The following UNC50 variants were observed in gnomAD, a reference collection of about 807,000 sequenced individuals.
The protein encoded by UNC50 is unc-50 inner nuclear membrane RNA binding protein.
A neutral mutation model predicts 31.5 loss-of-function variants in UNC50; 24 were observed. That is an observed-to-expected ratio of 0.76 (90% CI 0.55 to 1.07). The LOEUF (loss-of-function observed/expected upper bound fraction) is 1.07, where lower values mean the gene tolerates loss of function less well. UNC50 is among the 50% of genes least tolerant of loss of function. The probability of loss-of-function intolerance (pLI) is 0.00; values close to 1 mark genes in which losing one functional copy is unlikely to be tolerated. For synonymous variants in UNC50, 118 were observed against 114.7 expected (o/e 1.03, Z -0.18); for missense variants, 245 against 304.2 (o/e 0.81, Z 1.45).
chr2:98,616,655 C>T (rs1700927263), intron 5 of UNC50, 122 bp downstream of exon 5: 5 of 702,828 alleles, frequency 7.1e-6, no homozygotes, highest in Non-Finnish European at 1.2e-5. Context: ...ATTTTATGTG[C>T]ATTATCTCAT....
chr2:98,617,266 C>A (rs1242604030), intron 5 of UNC50, among the ~76,000 whole-genome samples: 1 of 152,186 alleles, frequency 6.6e-6, no homozygotes, highest in Non-Finnish European at 1.5e-5. Flanking sequence ...TAGGGCCTAA[C>A]TGTAAATACA....
chr2:98,609,886 C>T lies in UNC50; in HGVS notation c.127C>T (p.Gln43Ter). ...KYLRRLFRFR[Q>*]MDFEFAAWQM... ...TCTGAGAAGGCTTTTCCGCTTTCGGCAAATGGACTTTGAATTTGCTGCCTG... is the reference window on the plus strand; with the variant it reads ...TCTGAGAAGGCTTTTCCGCTTTCGGTAAATGGACTTTGAATTTGCTGCCTG... The change falls in exon 2 of 6, where the codon CAA (glutamine) becomes TAA (stop). Residue 43 changes from glutamine to a stop codon, truncating the protein, a stop_gained. Coordinates refer to ENST00000357765, the MANE Select transcript of UNC50 (RefSeq NM_014044.7). LOFTEE classifies it high-confidence loss of function. The T allele has an allele frequency of 6.2e-7, 1 of 1,614,172 alleles. No homozygotes were observed. The highest frequency in any genetic ancestry group is 8.5e-7 in the Non-Finnish European group (1 of 1,180,026).
chr2:98,609,958 T>G lies in UNC50; in HGVS notation c.199T>G (p.Phe67Val), dbSNP rs1376991458. Reference sequence around the variant, plus strand: ...ATCCCCACAGAGAGTTTACAGAAATTTTCATTATCGAAAACAGACGAAGGA... The same window carrying G: ...ATCCCCACAGAGAGTTTACAGAAATGTTCATTATCGAAAACAGACGAAGGA... Reference protein sequence around the residue: ...FTSPQRVYRNFHYRKQTKDQW... With the variant: ...FTSPQRVYRNVHYRKQTKDQW... Residue 67 changes from phenylalanine to valine, a missense_variant, in exon 2 of 6, where the codon TTT becomes GTT. Coordinates refer to ENST00000357765, the MANE Select transcript of UNC50 (RefSeq NM_014044.7). 2 of 1,614,064 alleles carry G rather than the reference T, an allele frequency of 1.2e-6. No individual in the cohort carries two copies. The highest frequency in any genetic ancestry group is 2.7e-5 in the African/African-American group (2 of 74,916).
chr2:98,608,603 G>T lies in UNC50; in HGVS notation c.-128G>T. The T allele has an allele frequency of 3.3e-6, 2 of 606,038 alleles. No individual in the cohort carries two copies. The highest frequency in any genetic ancestry group is 2.9e-6 in the Non-Finnish European group (1 of 341,350). The allele number at this position is 606,038 out of a possible 1,614,324, so 37.5% of individuals were successfully genotyped here. A position where few individuals can be genotyped will look rare whatever the true frequency, so the allele number is the denominator to read the frequency against. On this transcript the variant is annotated 5_prime_UTR_variant, in exon 1 of 6. Coordinates refer to ENST00000357765, the MANE Select transcript of UNC50 (RefSeq NM_014044.7). ...CGGCGGAAGTCGGTTCCCGTGACGC[G>T]GCGCGCCCCAAGGGCCGGCTCCGTT... is the stretch of plus-strand genomic sequence containing the variant.
intron 1 of UNC50, chr2:98,609,329 T>G: frequency 4.7e-6 from 1 of 211,176 alleles, no homozygotes; most frequent in East Asian, 1.2e-4. Context: ...ATAGGCCATT[T>G]ATTTGACCTC....
At chr2:98,616,986 A>T (rs1324955283) in intron 5 of UNC50, among the ~76,000 whole-genome samples, 1 of 152,210 alleles carries the variant, frequency 6.6e-6, no homozygotes, top group Admixed American at 6.5e-5. Context: ...CTTTTGAATC[A>T]TAACTTTTTG....
In UNC50 at chr2:98,610,826, TA is replaced by T; in HGVS notation, c.335del (p.Lys112SerfsTer9). On this transcript the variant is annotated frameshift_variant, in exon 3 of 6. Transcript: ENST00000357765. LOFTEE classifies it high-confidence loss of function. ...FVLDMGFFET[I>X]KLLLWVVLID... ...CTGGACATGGGATTCTTTGAGACAATAAAGCTTCTCCTTTGGGTTGTACTCA... is the reference window on the plus strand; with the variant it reads ...CTGGACATGGGATTCTTTGAGACAATAAGCTTCTCCTTTGGGTTGTACTCA... The T allele has an allele frequency of 6.2e-7, 1 of 1,614,216 alleles. No individual in the cohort carries two copies. The highest frequency in any genetic ancestry group is 8.5e-7 in the Non-Finnish European group (1 of 1,180,012).
rs1452068149 is a variant in UNC50 at position 98,610,765 on chromosome 2, T to C, written c.281-10T>C. On this transcript the variant is annotated splice_polypyrimidine_tract_variant and intron_variant, in intron 2 of 5. Coordinates refer to ENST00000357765, the MANE Select transcript of UNC50 (RefSeq NM_014044.7). ...AGTCCCTAAATGAATCTTGTGAATC[T>C]TTCTTTCAGTGTCCACTATAGGATT... 1 of 1,612,998 alleles carries C rather than the reference T, an allele frequency of 6.2e-7. No individual in the cohort carries two copies. Among genetic ancestry groups the C allele is most frequent in the Non-Finnish European group, 8.5e-7 (1 of 1,179,608 alleles).
At chr2:98,613,622 T>A (rs1700874517) in intron 3 of UNC50, among the ~76,000 whole-genome samples, 1 of 152,214 alleles carries the variant, frequency 6.6e-6, no homozygotes, top group Non-Finnish European at 1.5e-5. Context: ...TACGTCCATC[T>A]GGCCCCACCC....
Position 98,608,694 on chromosome 2 carries a change from C to T in UNC50, c.-37C>T. 2.0e-6 allele frequency: 1 copy of T among 492,394 alleles called. No individual in the cohort carries two copies. The highest frequency in any genetic ancestry group is 3.8e-5 in the East Asian group (1 of 26,006). 30.5% of individuals were successfully genotyped at this position (492,394 alleles called of 1,614,324 possible). A position where few individuals can be genotyped will look rare whatever the true frequency, so the allele number is the denominator to read the frequency against. ...GCTGGGAGGAGGTGGTGGGCTGGTT[C>T]GGACGTGGGTCGAGGCTGTAGCAGG... On this transcript the variant is annotated 5_prime_UTR_variant, in exon 1 of 6. Coordinates refer to ENST00000357765, the MANE Select transcript of UNC50 (RefSeq NM_014044.7).
rs1559147228 is a variant in UNC50 at position 98,610,036 on chromosome 2, T to C, written c.277T>C (p.Cys93Arg). 3.1e-6 allele frequency: 5 copies of C among 1,609,292 alleles called. No individual in the cohort carries two copies. The highest frequency in any genetic ancestry group is 4.3e-6 in the Non-Finnish European group (5 of 1,176,268). The change falls in exon 2 of 6, where the codon TGT (cysteine) becomes CGT (arginine). Residue 93 changes from cysteine to arginine, a missense_variant. Physicochemically the swap from Cys to Arg is radical, Grantham distance 180. Transcript: ENST00000357765. The stretch of plus-strand genomic sequence containing the variant: ...CTTGGTCCTGTTAAGTATCTGGCTC[T>C]GTGGTAAGTGTGTTTATCTGAGATA... ...AFLVLLSIWL[C>R]VSTIGFGFVL... is the part of the protein sequence containing the mutation.
intron 5 of UNC50, among the ~76,000 whole-genome samples, chr2:98,617,326 TCC>T (rs1700942687): frequency 6.6e-6 from 1 of 152,110 alleles, no homozygotes; most frequent in South Asian, 2.1e-4. Context: ...CCCGGTTCTC[TCC>T]CCCCTTGGCT....
intron 3 of UNC50, among the ~76,000 whole-genome samples, chr2:98,614,836 T>C (rs970715485): frequency 1.8e-4 from 28 of 152,186 alleles, no homozygotes; most frequent in African/African-American, 6.5e-4. Context: ...GATAACGAAA[T>C]GCAGGGACTG....
In UNC50 at chr2:98,609,866, G is replaced by C; in HGVS notation, c.107G>C (p.Arg36Thr). The change falls in exon 2 of 6, where the codon AGA becomes ACA. Residue 36 changes from arginine (R) to threonine (T), a missense_variant. By Grantham distance (71) the Arg-to-Thr change is moderately conservative. Coordinates refer to ENST00000357765, the MANE Select transcript of UNC50 (RefSeq NM_014044.7). Reference protein sequence around the residue: ...TAGAKRYKYLRRLFRFRQMDF... With the variant: ...TAGAKRYKYLTRLFRFRQMDF... ...GGAGCGAAACGCTACAAATATCTGAGAAGGCTTTTCCGCTTTCGGCAAATG... is the reference window on the plus strand; with the variant it reads ...GGAGCGAAACGCTACAAATATCTGACAAGGCTTTTCCGCTTTCGGCAAATG... The C allele has an allele frequency of 6.2e-7, 1 of 1,614,222 alleles. No individual in the cohort carries two copies. The highest frequency in any genetic ancestry group is 8.5e-7 in the Non-Finnish European group (1 of 1,180,044).
rs370650510 is a variant in UNC50, at chr2:98,618,403, T to C, written c.*99T>C. 507 of 1,338,250 alleles carry C rather than the reference T, an allele frequency of 3.8e-4. 1 individual carries two copies. In the African/African-American group the frequency reaches 7.0e-3, roughly 18 times the overall value. The allele number at this position is 1,338,250 out of a possible 1,614,324, so 82.9% of individuals were successfully genotyped here. A position where few individuals can be genotyped will look rare whatever the true frequency, so the allele number is the denominator to read the frequency against. ...ATAAACTATCATCTTTGTAGATATC[T>C]TAAAGGTGTAAAGTTTGCAAATTTG... On this transcript the variant is annotated 3_prime_UTR_variant, in exon 6 of 6. Coordinates refer to ENST00000357765, the MANE Select transcript of UNC50 (RefSeq NM_014044.7).
At chr2:98,609,556 G>A (rs753743494) in intron 1 of UNC50, 200 bp from the exon 2 acceptor site, 43 of 713,858 alleles carry the variant, frequency 6.0e-5, no homozygotes, top group Non-Finnish European at 9.3e-5. Context: ...TGTTGCCCTT[G>A]CCTGAGGTTG....
chr2:98,611,978 C>A (rs984501478), intron 3 of UNC50, among the ~76,000 whole-genome samples: 2 of 141,468 alleles, frequency 1.4e-5, no homozygotes, highest in Non-Finnish European at 3.2e-5. Flanking sequence ...GCCCCCCCCG[C>A]CCCCCCACCG....
At chr2:98,611,366 A>G (rs1048741534) in intron 3 of UNC50, among the ~76,000 whole-genome samples, 16 of 152,234 alleles carry the variant, frequency 1.1e-4, no homozygotes, top group Non-Finnish European at 1.9e-4. Context: ...ATAAGAGACA[A>G]ATGGTTGCAT....
chr2:98,616,142 A>G, intron 3 of UNC50, 65 bp from the exon 4 acceptor site: 1 of 1,517,352 alleles, frequency 6.6e-7, no homozygotes, highest in Non-Finnish European at 8.9e-7. Flanking sequence ...TGCCGCATAG[A>G]AAGTCGTCAG....
Sources: allele counts gnomAD v4.1 joint callset (sites outside exome capture counted in the v4.1 genomes callset), GRCh38; gene constraint gnomAD v4.1.1; transcripts MANE v1.5; gene names NCBI Gene and HGNC (gene_info 2026-07-23, HGNC 2026-07-21).